The following BEND6 variants were observed in gnomAD, a reference collection of about 807,000 sequenced individuals.
BEND6 encodes the protein BEN domain containing 6.
Under a neutral mutation model 31.8 loss-of-function variants are expected in BEND6, and 24 were observed. The ratio of observed to expected loss-of-function variants is 0.75; its 90% confidence interval spans 0.55 to 1.06. The LOEUF (loss-of-function observed/expected upper bound fraction) is 1.06. Among genes scored for constraint, BEND6 ranks in the 50% least tolerant of loss-of-function variants. The pLI, the probability that BEND6 is intolerant of heterozygous loss-of-function variation, is 0.00. For synonymous variants in BEND6, 109 were observed against 114.6 expected (o/e 0.95, Z 0.31); for missense variants, 294 against 327.4 (o/e 0.90, Z 0.79).
At chr6:56,967,559 TCAGAGAGTGAAATAGAGACAG>T (rs1192181242) in intron 1 of BEND6, among the ~76,000 whole-genome samples, 1 of 152,002 alleles carries the variant, frequency 6.6e-6, no homozygotes, top group Non-Finnish European at 1.5e-5. Flanking sequence ...AACTCCAGAC[TCAGAGAGTGAAATAGAGACAG>T]CTAGGGAAAG....
intron 6 of BEND6, among the ~76,000 whole-genome samples, chr6:57,020,010 G>T (rs1827687346): frequency 6.6e-6 from 1 of 152,166 alleles, no homozygotes; most frequent in African/African-American, 2.4e-5. Context: ...GAGGTGGGAG[G>T]ATAGCGAGGT....
At chr6:57,023,099 A>G (rs1827802279) in intron 6 of BEND6, among the ~76,000 whole-genome samples, 1 of 152,212 alleles carries the variant, frequency 6.6e-6, no homozygotes, top group African/African-American at 2.4e-5. Flanking sequence ...GTATTTTATA[A>G]CAGTTGGGTG....
intron 2 of BEND6, among the ~76,000 whole-genome samples, chr6:56,983,800 T>G (rs1826149891): frequency 6.6e-6 from 1 of 152,212 alleles, no homozygotes; most frequent in Non-Finnish European, 1.5e-5. Flanking sequence ...GATCCATTGC[T>G]TCTAGCTGCT....
intron 2 of BEND6, among the ~76,000 whole-genome samples, chr6:56,986,808 G>A (rs1477541267): frequency 6.6e-6 from 1 of 152,014 alleles, no homozygotes; most frequent in Non-Finnish European, 1.5e-5. Flanking sequence ...CTTGTTTCAG[G>A]GTGTCCCTTG....
At chr6:56,999,433 C>T (rs1030497724) in intron 3 of BEND6, among the ~76,000 whole-genome samples, 4 of 152,248 alleles carry the variant, frequency 2.6e-5, no homozygotes, top group African/African-American at 7.2e-5. Context: ...CTCCAAGCAT[C>T]TATTGCACTC....
At chr6:56,995,322 A>G (rs1048970561) in intron 3 of BEND6, among the ~76,000 whole-genome samples, 1 of 151,732 alleles carries the variant, frequency 6.6e-6, no homozygotes, top group Non-Finnish European at 1.5e-5. Flanking sequence ...ACTCTTGACT[A>G]TACACACTCT....
chr6:56,966,341 A>G (rs1337626737), intron 1 of BEND6, among the ~76,000 whole-genome samples: 4 of 152,136 alleles, frequency 2.6e-5, no homozygotes, highest in Non-Finnish European at 4.4e-5. Flanking sequence ...ACCTAAGATG[A>G]TCCGCCTGCC....
chr6:56,997,744 G>A (rs537814254), intron 3 of BEND6, among the ~76,000 whole-genome samples: 7 of 152,206 alleles, frequency 4.6e-5, no homozygotes, highest in African/African-American at 1.7e-4. Context: ...TAGTAGAGAC[G>A]AGGTTTCACG....
At chr6:57,010,628 C>T (rs1827312322) in intron 3 of BEND6, 4 of 913,236 alleles carry the variant, frequency 4.4e-6, no homozygotes, top group Non-Finnish European at 3.9e-6. Flanking sequence ...TGAGACTTGC[C>T]ATGAATTGAA....
intron 3 of BEND6, among the ~76,000 whole-genome samples, chr6:56,994,009 C>T (rs558898603): frequency 1.3e-5 from 2 of 152,106 alleles, no homozygotes; most frequent in Non-Finnish European, 2.9e-5. Context: ...CTTATTTCTT[C>T]ATTTTACATA....
At chr6:56,970,338 G>A (rs180934304) in intron 1 of BEND6, among the ~76,000 whole-genome samples, 1 of 152,160 alleles carries the variant, frequency 6.6e-6, no homozygotes, top group Admixed American at 6.6e-5. Flanking sequence ...GGGATTACAG[G>A]CACGTGCCAC....
chr6:57,000,168 A>C (rs1394436919), intron 3 of BEND6, among the ~76,000 whole-genome samples: 2 of 152,158 alleles, frequency 1.3e-5, no homozygotes, highest in East Asian at 3.9e-4. Flanking sequence ...TGTGGGGAAA[A>C]CAAAGAGAGA....
At chr6:56,992,227 T>G in intron 2 of BEND6, 151 bp from the exon 3 acceptor site, 1 of 795,988 alleles carries the variant, frequency 1.3e-6, no homozygotes, top group Non-Finnish European at 1.9e-6. Flanking sequence ...TTCCTCTGCC[T>G]GCTGGAGGAC....
intron 1 of BEND6, among the ~76,000 whole-genome samples, chr6:56,970,191 C>A (rs1485623197): frequency 1.3e-5 from 2 of 151,896 alleles, no homozygotes; most frequent in Non-Finnish European, 2.9e-5. Flanking sequence ...TTCCTCCAAC[C>A]ACATTTTTTT....
chr6:56,961,460 C>A (rs187109145), intron 1 of BEND6, among the ~76,000 whole-genome samples: 16 of 152,176 alleles, frequency 1.1e-4, no homozygotes, highest in Admixed American at 1.0e-3. Context: ...TCAGTTGTAA[C>A]CCTAAGAGGA....
At chr6:56,990,905 AT>A (rs1490784085) in intron 2 of BEND6, among the ~76,000 whole-genome samples, 1 of 152,216 alleles carries the variant, frequency 6.6e-6, no homozygotes, top group African/African-American at 2.4e-5. Context: ...AAATGACAGT[AT>A]CTCTGAATCT....
chr6:56,986,822 T>C (rs974930923), intron 2 of BEND6, among the ~76,000 whole-genome samples: 3 of 152,190 alleles, frequency 2.0e-5, no homozygotes, highest in African/African-American at 7.2e-5. Flanking sequence ...TCCCTTGGTG[T>C]TACTGTTGAG....
At chr6:57,022,531 G>A (rs949961494) in intron 6 of BEND6, among the ~76,000 whole-genome samples, 9 of 151,596 alleles carry the variant, frequency 5.9e-5, no homozygotes, top group African/African-American at 2.2e-4. Flanking sequence ...TTCTTAGTCT[G>A]GCTAATGGTT....
chr6:56,966,928 T>G (rs1161411333), intron 1 of BEND6, among the ~76,000 whole-genome samples: 1 of 152,154 alleles, frequency 6.6e-6, no homozygotes, highest in Non-Finnish European at 1.5e-5. Context: ...TAAACCCCTT[T>G]GCCACTGGAA....
Sources: allele counts gnomAD v4.1 joint callset (sites outside exome capture counted in the v4.1 genomes callset), GRCh38; gene constraint gnomAD v4.1.1; transcripts MANE v1.5; gene names NCBI Gene and HGNC (gene_info 2026-07-23, HGNC 2026-07-21).